Variants in STPG2 observed in about 807,000 individuals in gnomAD.
The protein encoded by STPG2 is sperm-tail PG-rich repeat-containing protein 2.
A neutral mutation model predicts 54.2 loss-of-function variants in STPG2; 56 were observed. The ratio of observed to expected loss-of-function variants is 1.03; its 90% CI spans 0.83 to 1.29. The LOEUF is 1.29. Among genes scored for constraint, STPG2 ranks in the 50% most tolerant of loss-of-function variants. STPG2 has a pLI of 0.00. For synonymous variants in STPG2, 200 were observed against 181.8 expected, an observed-to-expected ratio of 1.10 and a Z score of -0.81; for missense variants, 596 against 544.9, an observed-to-expected ratio of 1.09 and a Z score of -0.93.
chr4:98,004,514 A>C (rs1249741577), intron 5 of STPG2, among the ~76,000 whole-genome samples: 1 of 152,118 alleles, frequency 6.6e-6, no homozygotes, highest in African/African-American at 2.4e-5. Flanking sequence ...CAGAAGTGGG[A>C]TTTCCAGATC....
At chr4:97,452,114 GCCCCCACCCCC>G (rs1473600037) in intron 4 of STPG2, among the ~76,000 whole-genome samples, 1 of 17,014 alleles carries the variant, frequency 5.9e-5, no homozygotes, top group African/African-American at 3.1e-4. Flanking sequence ...CAGGAGCCCC[GCCCCCACCCCC>G]CCCCCCCCCC....
chr4:98,128,353 G>C (rs1553944617), intron 3 of STPG2, 75 bp downstream of exon 3: 8 of 1,277,720 alleles, frequency 6.3e-6, no homozygotes, highest in Non-Finnish European at 7.2e-6. Flanking sequence ...GGAGAAATAA[G>C]CCAGGAAAAA....
At chr4:97,637,426 C>A (rs1721594808) in intron 10 of STPG2, among the ~76,000 whole-genome samples, 1 of 152,060 alleles carries the variant, frequency 6.6e-6, no homozygotes, top group Non-Finnish European at 1.5e-5. Context: ...CCTTTGAAAA[C>A]TGGCACAAGA....
At chr4:97,897,693 C>T (rs1467654733) in intron 8 of STPG2, among the ~76,000 whole-genome samples, 2 of 152,066 alleles carry the variant, frequency 1.3e-5, no homozygotes, top group Non-Finnish European at 2.9e-5. Context: ...TTGCTAGCTG[C>T]ATGTATGTCT....
intron 5 of STPG2, among the ~76,000 whole-genome samples, chr4:98,086,666 G>GAA (rs35225418): frequency 2.4e-4 from 23 of 94,898 alleles, no homozygotes; most frequent in African/African-American, 8.7e-4. Context: ...ATGCATGCCA[G>GAA]AAAAAAAAAA....
chr4:97,826,230 C>T (rs918464961), intron 9 of STPG2, among the ~76,000 whole-genome samples: 1 of 152,166 alleles, frequency 6.6e-6, no homozygotes. Context: ...AACAGTTCTA[C>T]ATGCAAGGCC....
At chr4:97,445,345 A>C (rs1729195449) in intron 4 of STPG2, among the ~76,000 whole-genome samples, 1 of 152,200 alleles carries the variant, frequency 6.6e-6, no homozygotes, top group South Asian at 2.1e-4. Context: ...CTGATGAATT[A>C]ACTATTCTAA....
At chr4:97,806,898 A>T (rs1236179220) in intron 9 of STPG2, among the ~76,000 whole-genome samples, 3 of 152,162 alleles carry the variant, frequency 2.0e-5, no homozygotes, top group African/African-American at 7.2e-5. Flanking sequence ...ATGAACCAAG[A>T]CAACTTCTGA....
chr4:97,571,246 G>A lies in STPG2; in HGVS notation c.1321-12129C>T, dbSNP rs562313779. Among the ~76,000 whole-genome samples the A allele has an allele frequency of 4.6e-5, 7 of 152,050 alleles. No individual in the cohort carries two copies. In the South Asian group the frequency reaches 1.0e-3, roughly 23 times the overall value. On this transcript the variant is annotated intron_variant, in intron 10 of 10. Transcript: ENST00000295268. ...AATATGTGAAATTCAATAGATGATA[G>A]CCTTCGACTGAAACTGGTAGAAGGA...
chr4:97,620,204 T>C (rs1397973564), intron 10 of STPG2, among the ~76,000 whole-genome samples: 2 of 152,216 alleles, frequency 1.3e-5, no homozygotes, highest in Non-Finnish European at 2.9e-5. Flanking sequence ...GAAATAACAT[T>C]ATCAATGCTT....
chr4:97,961,864 C>T (rs1417777287), intron 7 of STPG2, among the ~76,000 whole-genome samples: 2 of 152,142 alleles, frequency 1.3e-5, no homozygotes, highest in Non-Finnish European at 2.9e-5. Flanking sequence ...TGGTTATCTA[C>T]CCATAGGAAA....
intron 10 of STPG2, among the ~76,000 whole-genome samples, chr4:97,593,633 T>C (rs879621812): frequency 1.1e-4 from 16 of 152,114 alleles, no homozygotes; most frequent in Non-Finnish European, 1.8e-4. Flanking sequence ...CCAGACCCAC[T>C]GCTACACCAC....
At chr4:97,880,866 A>C (rs1730343767) in intron 8 of STPG2, among the ~76,000 whole-genome samples, 1 of 152,136 alleles carries the variant, frequency 6.6e-6, no homozygotes, top group South Asian at 2.1e-4. Context: ...CCAGTTCAGA[A>C]GGATGCTGGC....
chr4:97,654,527 G>C (rs1722165588), intron 10 of STPG2, among the ~76,000 whole-genome samples: 1 of 151,976 alleles, frequency 6.6e-6, no homozygotes, highest in African/African-American at 2.4e-5. Flanking sequence ...TGACACTTCT[G>C]TTACCCTTCC....
chr4:97,921,602 C>T (rs189436466), intron 8 of STPG2, among the ~76,000 whole-genome samples: 1 of 151,428 alleles, frequency 6.6e-6, no homozygotes, highest in African/African-American at 2.4e-5. Flanking sequence ...CCCAGAGGAA[C>T]AAAAAGAAAG....
chr4:97,858,920 G>C (rs1031611636), intron 8 of STPG2, among the ~76,000 whole-genome samples: 2 of 152,092 alleles, frequency 1.3e-5, no homozygotes, highest in Non-Finnish European at 1.5e-5. Context: ...CCCAGTAGTG[G>C]GATTACTGGA....
chr4:97,703,794 ATGTG>A (rs111993291), intron 10 of STPG2, among the ~76,000 whole-genome samples: 5 of 144,452 alleles, frequency 3.5e-5, no homozygotes, highest in African/African-American at 1.3e-4. Flanking sequence ...GTGTATATAT[ATGTG>A]TGTGTGTGTG....
chr4:97,479,155 CACAA>C (rs1730155596), intron 4 of STPG2, among the ~76,000 whole-genome samples: 1 of 151,860 alleles, frequency 6.6e-6, no homozygotes, highest in African/African-American at 2.4e-5. Context: ...CACACACACA[CACAA>C]ACACTTAGGC....
chr4:97,613,416 T>G (rs1733778196), intron 10 of STPG2, among the ~76,000 whole-genome samples: 1 of 151,920 alleles, frequency 6.6e-6, no homozygotes, highest in Non-Finnish European at 1.5e-5. Flanking sequence ...TATCACACTG[T>G]ATAAGAAAGT....
Sources: gnomAD v4.1 joint callset for allele counts (sites outside exome capture counted in the v4.1 genomes callset) on GRCh38, gnomAD v4.1.1 for gene constraint, MANE v1.5 for transcripts, NCBI Gene and HGNC (gene_info 2026-07-23, HGNC 2026-07-21) for gene names.